The following OPHN1 variants were observed in gnomAD, a reference collection of about 807,000 sequenced individuals.
The protein encoded by OPHN1 is oligophrenin-1.
OPHN1 carries 11 observed loss-of-function variants against 60.7 expected under a neutral mutation model. The ratio of observed to expected loss-of-function variants is 0.18; its 90% CI spans 0.11 to 0.30. The LOEUF (loss-of-function observed/expected upper bound fraction) is 0.30. OPHN1 is among the 10% of genes least tolerant of loss of function. The pLI is 1.00. For missense variants in OPHN1, 449 were observed against 611.0 expected (o/e 0.73, Z 2.80); for synonymous variants, 226 against 222.6 (o/e 1.02, Z -0.14).
chrX:68,110,787 T>G (rs970647264), intron 18 of OPHN1, among the ~76,000 whole-genome samples: 1 of 112,481 alleles, frequency 8.9e-6, no homozygotes, highest in East Asian at 2.8e-4. Context: ...TTAATTCTGC[T>G]TATTACCTAC....
chrX:68,126,495 A>G (rs1216927285), intron 15 of OPHN1, among the ~76,000 whole-genome samples: 2 of 110,248 alleles, frequency 1.8e-5, no homozygotes, highest in Non-Finnish European at 3.8e-5. Context: ...CCCAGGCTGG[A>G]GTGCAGTGGC....
chrX:68,432,913 G>T lies in OPHN1; in HGVS notation c.108C>A (p.Ile36=). 8.3e-7 allele frequency: 1 copy of T among 1,211,922 alleles called. No individual in the cohort carries two copies. Among genetic ancestry groups the T allele is most frequent in the Non-Finnish European group, 1.1e-6 (1 of 895,421 alleles). ...CGTTGCCGTCTTTGATTACGTCTTTGATGAATTTGTTGGTCCTCTCCAGTT... is the reference window on the plus strand; with the variant it reads ...CGTTGCCGTCTTTGATTACGTCTTTTATGAATTTGTTGGTCCTCTCCAGTT... ...EQELERTNKF[I]KDVIKDGNAL... is the part of the protein sequence containing the mutation. Residue 36 remains isoleucine (I), a synonymous_variant, in exon 2 of 25, where the codon ATC becomes ATA. Coordinates refer to ENST00000355520, the MANE Select transcript of OPHN1 (RefSeq NM_002547.3).
chrX:68,352,334 T>C (rs908431802), intron 2 of OPHN1, among the ~76,000 whole-genome samples: 1 of 105,998 alleles, frequency 9.4e-6, no homozygotes, highest in African/African-American at 3.5e-5. Flanking sequence ...TTAGAGGCTT[T>C]TATTACAATT....
intron 5 of OPHN1, among the ~76,000 whole-genome samples, chrX:68,262,189 T>C (rs1341777798): frequency 8.9e-6 from 1 of 111,933 alleles, no homozygotes; most frequent in Non-Finnish European, 1.9e-5. Context: ...GAAATAATTT[T>C]TAAACTAAAA....
At chrX:68,359,724 C>T (rs776788317) in intron 2 of OPHN1, among the ~76,000 whole-genome samples, 11 of 109,162 alleles carry the variant, frequency 1.0e-4, no homozygotes, top group East Asian at 8.7e-4. Context: ...GGCATGGTGG[C>T]GGGCACCTGT....
chrX:68,374,443 GGTTTT>G (rs983217014), intron 2 of OPHN1, among the ~76,000 whole-genome samples: 38 of 110,388 alleles, frequency 3.4e-4, no homozygotes, highest in African/African-American at 4.6e-4. Flanking sequence ...GAGGATTTGG[GGTTTT>G]GTTTTGTTTT....
At chrX:68,062,228 T>C (rs1241027833) in intron 21 of OPHN1, among the ~76,000 whole-genome samples, 4 of 111,746 alleles carry the variant, frequency 3.6e-5, no homozygotes, top group Non-Finnish European at 7.5e-5. Flanking sequence ...ATCAGTACTC[T>C]AGAATCTAAG....
At chrX:68,171,527 A>T (rs2077391550) in intron 15 of OPHN1, among the ~76,000 whole-genome samples, 1 of 111,124 alleles carries the variant, frequency 9.0e-6, no homozygotes, top group African/African-American at 3.3e-5. Flanking sequence ...CTTGAGGTCA[A>T]GAATTCAAGA....
intron 5 of OPHN1, among the ~76,000 whole-genome samples, chrX:68,242,376 C>T (rs772536227): frequency 9.0e-6 from 1 of 110,897 alleles, no homozygotes; most frequent in South Asian, 3.8e-4. Context: ...GGCTGAGATC[C>T]TGTCTATAAA....
At chrX:68,269,842 G>C (rs2077956872) in intron 5 of OPHN1, among the ~76,000 whole-genome samples, 1 of 111,832 alleles carries the variant, frequency 8.9e-6, no homozygotes, top group Non-Finnish European at 1.9e-5. Flanking sequence ...CTACTCATCT[G>C]ACAAAGGGCT....
chrX:68,290,355 T>C (rs2078065065), intron 3 of OPHN1, among the ~76,000 whole-genome samples: 1 of 110,696 alleles, frequency 9.0e-6, no homozygotes, highest in Non-Finnish European at 1.9e-5. Context: ...TCCCAACACT[T>C]TGGGAGGCCG....
At position 68,045,776 on chromosome X, in the gene OPHN1, C is replaced by T. The variant is rs886638201; in HGVS notation, c.*1396G>A. 1 of 111,917 alleles carries T rather than the reference C, an allele frequency of 8.9e-6. No individual in the cohort carries two copies. The highest frequency in any genetic ancestry group is 3.2e-5 in the African/African-American group (1 of 30,794). 9.2% of individuals were successfully genotyped at this position (111,917 alleles called of 1,213,427 possible). Reference sequence around the variant, plus strand: ...AGGGTTTATGTCCTAACATTTTTCACTTGGTGGCAAATATTCAAGAAAAAG... The same window carrying T: ...AGGGTTTATGTCCTAACATTTTTCATTTGGTGGCAAATATTCAAGAAAAAG... On this transcript the variant is annotated 3_prime_UTR_variant, in exon 25 of 25. Transcript: ENST00000355520.
Position 68,213,729 on chromosome X carries a change from T to C in OPHN1, c.597+133A>G, listed in dbSNP as rs72627683. On this transcript the variant is annotated intron_variant, in intron 7 of 24. Transcript: ENST00000355520. ...ACTAAAGAACAAGAAAAACGTAAGT[T>C]AGACTACGTTCTAGACATTTCCACT... The C allele has an allele frequency of 3.5e-4, 166 of 477,660 alleles. No homozygotes were observed. In the East Asian group the frequency reaches 5.6e-3, roughly 16 times the overall value. 39.4% of individuals were successfully genotyped at this position (477,660 alleles called of 1,213,427 possible). A position where few individuals can be genotyped will look rare whatever the true frequency, so the allele number is the denominator to read the frequency against.
intron 2 of OPHN1, among the ~76,000 whole-genome samples, chrX:68,402,394 GAA>G (rs2078720275): frequency 9.2e-6 from 1 of 109,010 alleles, no homozygotes; most frequent in African/African-American, 3.3e-5. Context: ...AGAAAGAAGA[GAA>G]GAGAAGAGAA....
intron 11 of OPHN1, 140 bp from the exon 12 acceptor site, chrX:68,197,404 C>T (rs748717351): frequency 2.1e-6 from 1 of 480,021 alleles, no homozygotes; most frequent in Non-Finnish European, 3.6e-6. Flanking sequence ...TTTTCAAAAT[C>T]TCTTTTACTC....
At chrX:68,426,260 G>A (rs2078855237) in intron 2 of OPHN1, among the ~76,000 whole-genome samples, 1 of 110,194 alleles carries the variant, frequency 9.1e-6, no homozygotes, top group African/African-American at 3.3e-5. Context: ...GGTCAGCATG[G>A]TGAAACCCCG....
chrX:68,079,203 CAAT>C (rs1250077086), intron 19 of OPHN1, among the ~76,000 whole-genome samples: 9 of 110,266 alleles, frequency 8.2e-5, no homozygotes, highest in Non-Finnish European at 1.7e-4. Context: ...TCCTTTCTTA[CAAT>C]ACTGTTTCTC....
intron 2 of OPHN1, among the ~76,000 whole-genome samples, chrX:68,360,792 A>G (rs773948467): frequency 9.0e-6 from 1 of 110,941 alleles, no homozygotes; most frequent in East Asian, 2.9e-4. Context: ...CCACCCAAAA[A>G]CAAACAAACA....
intron 2 of OPHN1, among the ~76,000 whole-genome samples, chrX:68,353,403 T>C (rs1312289187): frequency 3.0e-4 from 22 of 72,305 alleles, no homozygotes; most frequent in Non-Finnish European, 4.9e-4. Context: ...ACCCCGTCTC[T>C]ACAGGAAAAA....
Sources: gnomAD v4.1 joint callset for allele counts (sites outside exome capture counted in the v4.1 genomes callset) on GRCh38, gnomAD v4.1.1 for gene constraint, MANE v1.5 for transcripts, NCBI Gene and HGNC (gene_info 2026-07-23, HGNC 2026-07-21) for gene names.